The following SLC2A9 variants were observed in gnomAD, a reference collection of about 807,000 sequenced individuals.
SLC2A9 encodes the protein solute carrier family 2, facilitated glucose transporter member 9.
In SLC2A9, 39 loss-of-function variants were observed where a neutral mutation model predicts 50.6. The observed-to-expected ratio is 0.77, with a 90% CI of 0.60 to 1.01. The LOEUF is 1.01. SLC2A9 is among the 50% of genes least tolerant of loss of function. The pLI, the probability that SLC2A9 is intolerant of heterozygous loss-of-function variation, is 0.00. For missense variants in SLC2A9, 686 were observed against 677.6 expected, an observed-to-expected ratio of 1.01 and a Z score of -0.14; for synonymous variants, 324 against 276.9, an observed-to-expected ratio of 1.17 and a Z score of -1.69.
chr4:9,913,227 T>A (rs897379161), intron 7 of SLC2A9, among the ~76,000 whole-genome samples: 2 of 152,144 alleles, frequency 1.3e-5, no homozygotes, highest in African/African-American at 4.8e-5. Flanking sequence ...TGCAGTAATT[T>A]GCTACAGAAG....
At chr4:9,911,386 T>G (rs1741761984) in intron 7 of SLC2A9, among the ~76,000 whole-genome samples, 2 of 152,150 alleles carry the variant, frequency 1.3e-5, no homozygotes, top group Admixed American at 1.3e-4. Flanking sequence ...GGAAGGTGAC[T>G]GCCTTCAGCT....
intron 7 of SLC2A9, among the ~76,000 whole-genome samples, chr4:9,908,619 T>C (rs1475734579): frequency 1.3e-5 from 2 of 152,016 alleles, no homozygotes; most frequent in Admixed American, 6.6e-5. Context: ...TAGTTACATA[T>C]GTATACATGT....
chr4:9,830,046 A>G (rs892685885), intron 11 of SLC2A9, among the ~76,000 whole-genome samples: 1 of 152,272 alleles, frequency 6.6e-6, no homozygotes, highest in Non-Finnish European at 1.5e-5. Context: ...TCATTGTATT[A>G]TAAAGATACA....
intron 8 of SLC2A9, among the ~76,000 whole-genome samples, chr4:9,902,289 C>T (rs950308155): frequency 6.6e-6 from 1 of 152,228 alleles, no homozygotes; most frequent in Non-Finnish European, 1.5e-5. Context: ...TCCTTCTCCA[C>T]AGCAGAGACC....
intron 1 of SLC2A9, chr4:10,035,189 G>T (rs1764059340): frequency 6.6e-6 from 1 of 152,252 alleles, no homozygotes; most frequent in Admixed American, 6.5e-5. Context: ...CAGCTAAGCT[G>T]CATCCTAGGC....
chr4:10,001,472 C>A (rs547504808), intron 2 of SLC2A9, among the ~76,000 whole-genome samples: 1 of 152,346 alleles, frequency 6.6e-6, no homozygotes, highest in African/African-American at 2.4e-5. Context: ...TGATCTTGGA[C>A]TTCTGACCTC....
rs528451714 is a variant in SLC2A9 at position 9,856,455 on chromosome 4, T to TA, written c.1292-21448dup. ...AGTCAGAATGGCTATTCTTAAAAAG[T>TA]AAAAAAATAACAGATGCTGGCAAGG... is the stretch of plus-strand genomic sequence containing the variant. On this transcript the variant is annotated intron_variant, in intron 10 of 11. Transcript: ENST00000264784. Among the ~76,000 whole-genome samples, 616 of 152,088 alleles carry TA rather than the reference T, an allele frequency of 4.1e-3. 5 individuals carry two copies. Among genetic ancestry groups the TA allele is most frequent in the African/African-American group, 0.014 (572 of 41,488 alleles).
upstream of SLC2A9, among the ~76,000 whole-genome samples, chr4:10,026,298 C>G (rs574927000): frequency 2.6e-5 from 4 of 152,252 alleles, no homozygotes; most frequent in Admixed American, 2.6e-4. Context: ...GTTGGATCTC[C>G]CCGGGCTATG....
chr4:9,901,667 C>T (rs1359246541), intron 8 of SLC2A9, among the ~76,000 whole-genome samples: 1 of 152,086 alleles, frequency 6.6e-6, no homozygotes, highest in Non-Finnish European at 1.5e-5. Context: ...CCCCTCAAGC[C>T]CCATGCCCCC....
At chr4:9,850,849 A>G (rs924358929) in intron 10 of SLC2A9, among the ~76,000 whole-genome samples, 5 of 151,890 alleles carry the variant, frequency 3.3e-5, no homozygotes. Context: ...CCCCCTACTG[A>G]TACATGGGTA....
chr4:10,000,261 A>T (rs189976676), intron 2 of SLC2A9, among the ~76,000 whole-genome samples: 1 of 152,306 alleles, frequency 6.6e-6, no homozygotes. Flanking sequence ...CATTCAACAA[A>T]CATGTGCTGA....
At chr4:9,982,123 G>A (rs1002824036) in intron 4 of SLC2A9, among the ~76,000 whole-genome samples, 16 of 152,182 alleles carry the variant, frequency 1.1e-4, no homozygotes, top group Admixed American at 8.5e-4. Context: ...CAGATGATCC[G>A]CCTGCCTTGG....
At chr4:9,949,983 G>C (rs1341898205) in intron 5 of SLC2A9, among the ~76,000 whole-genome samples, 1 of 152,048 alleles carries the variant, frequency 6.6e-6, no homozygotes, top group Non-Finnish European at 1.5e-5. Flanking sequence ...CCCAACAACT[G>C]CCTCCTGGGA....
In SLC2A9 at chr4:9,851,191, G is replaced by T. The variant is rs987061407; in HGVS notation, c.1292-16183C>A. Among the ~76,000 whole-genome samples, 15 of 152,200 alleles carry T rather than the reference G, an allele frequency of 9.9e-5. 1 individual carries two copies. The highest frequency in any genetic ancestry group is 1.6e-4 in the Non-Finnish European group (11 of 68,040). ...CCCATCGAAGTGTTGTGGTCATTGG[G>T]CTGGGAACACCTCGGCCCATTCAGC... On this transcript the variant is annotated intron_variant, in intron 10 of 11. Transcript: ENST00000264784.
At chr4:9,850,608 T>A in intron 10 of SLC2A9, among the ~76,000 whole-genome samples, 1 of 152,048 alleles carries the variant, frequency 6.6e-6, no homozygotes. Context: ...TGTCAGACCA[T>A]CGAAGAACTC....
chr4:9,934,293 T>C (rs1006177891), intron 6 of SLC2A9, among the ~76,000 whole-genome samples: 2 of 152,208 alleles, frequency 1.3e-5, no homozygotes, highest in African/African-American at 4.8e-5. Flanking sequence ...ACAAAAATGA[T>C]GCCAAGTAGA....
intron 3 of SLC2A9, among the ~76,000 whole-genome samples, chr4:9,786,171 C>A (rs148053608): frequency 1.1e-3 from 160 of 152,238 alleles, no homozygotes; most frequent in African/African-American, 3.7e-3. Flanking sequence ...GGAGACCCAG[C>A]CTGAGCTGGG....
intron 7 of SLC2A9, among the ~76,000 whole-genome samples, chr4:9,910,333 G>GTGACA (rs1228600133): frequency 1.3e-5 from 2 of 152,200 alleles, no homozygotes; most frequent in Admixed American, 1.3e-4. Context: ...TCTCAGGGCT[G>GTGACA]TGACAGAAGC....
intron 6 of SLC2A9, 83 bp from the exon 7 acceptor site, chr4:9,920,655 C>T: frequency 6.5e-7 from 1 of 1,537,704 alleles, no homozygotes; most frequent in Non-Finnish European, 9.0e-7. Context: ...GGGACGGGTC[C>T]CACCTCCTAG....
Sources: gnomAD v4.1 joint callset for allele counts (sites outside exome capture counted in the v4.1 genomes callset) on GRCh38, gnomAD v4.1.1 for gene constraint, MANE v1.5 for transcripts, NCBI Gene and HGNC (gene_info 2026-07-23, HGNC 2026-07-21) for gene names.